OPCML: variants seen among roughly 807,000 people sequenced by gnomAD.
OPCML encodes opioid binding protein/cell adhesion molecule like, also known as opioid-binding protein/cell adhesion molecule.
Under a neutral mutation model 37.8 loss-of-function variants are expected in OPCML, and 13 were observed. The observed-to-expected ratio is 0.34, with a 90% CI of 0.22 to 0.55. The LOEUF is 0.55. Among genes scored for constraint, OPCML ranks in the 20% least tolerant of loss-of-function variants. The probability of loss-of-function intolerance (pLI) is 0.91; values close to 1 mark genes in which losing one functional copy is unlikely to be tolerated. For missense variants in OPCML, 341 were observed against 435.6 expected, an observed-to-expected ratio of 0.78 and a Z score of 1.93; for synonymous variants, 176 against 168.8, an observed-to-expected ratio of 1.04 and a Z score of -0.33.
intron 1 of OPCML, among the ~76,000 whole-genome samples, chr11:133,501,300 A>G (rs1591572429): frequency 6.6e-6 from 1 of 152,148 alleles, no homozygotes; most frequent in East Asian, 1.9e-4. Context: ...CCCCCACGGT[A>G]CAGTGCGGCT....
intron 1 of OPCML, among the ~76,000 whole-genome samples, chr11:133,168,962 C>T (rs576547493): frequency 1.3e-5 from 2 of 152,058 alleles, no homozygotes; most frequent in African/African-American, 4.8e-5. Context: ...AACACTGTCT[C>T]TACTAAAAAT....
chr11:133,189,484 A>G (rs1938218396), intron 1 of OPCML, among the ~76,000 whole-genome samples: 1 of 152,196 alleles, frequency 6.6e-6, no homozygotes, highest in African/African-American at 2.4e-5. Context: ...TGTATATTGG[A>G]TACTAGTTAA....
chr11:132,868,777 CTAA>C (rs1942676447), intron 2 of OPCML, among the ~76,000 whole-genome samples: 1 of 152,144 alleles, frequency 6.6e-6, no homozygotes, highest in African/African-American at 2.4e-5. Context: ...GCTGCCGTTA[CTAA>C]TAGGTTTCTG....
intron 4 of OPCML, among the ~76,000 whole-genome samples, chr11:132,505,888 C>A (rs939788957): frequency 3.5e-4 from 47 of 136,214 alleles, no homozygotes; most frequent in African/African-American, 8.8e-4. Context: ...CCACTTTCTG[C>A]GAAAAAAAAA....
chr11:132,709,951 C>A (rs1436746876), intron 2 of OPCML, among the ~76,000 whole-genome samples: 1 of 152,172 alleles, frequency 6.6e-6, no homozygotes, highest in Non-Finnish European at 1.5e-5. Context: ...TCATGGGATA[C>A]ATAGATACAT....
At chr11:132,508,460 C>T (rs530482650) in intron 4 of OPCML, among the ~76,000 whole-genome samples, 72 of 137,000 alleles carry the variant, frequency 5.3e-4, no homozygotes, top group African/African-American at 1.7e-3. Context: ...TCAATGGATG[C>T]CAAAAAAAAC....
chr11:132,424,723 C>A (rs935552090), intron 7 of OPCML, among the ~76,000 whole-genome samples: 1 of 152,140 alleles, frequency 6.6e-6, no homozygotes, highest in Admixed American at 6.5e-5. Flanking sequence ...CATGATGATG[C>A]TGAGTTTGCA....
chr11:132,925,322 T>C (rs1288241014), intron 2 of OPCML, among the ~76,000 whole-genome samples: 2 of 152,104 alleles, frequency 1.3e-5, no homozygotes, highest in African/African-American at 4.8e-5. Flanking sequence ...TTTTAGCTAG[T>C]GTGGGGTAAA....
At chr11:133,003,629 C>T (rs1202673049) in intron 1 of OPCML, 1 of 984,732 alleles carries the variant, frequency 1.0e-6, no homozygotes, top group Non-Finnish European at 1.2e-6. Context: ...CAGATGACCA[C>T]AATATTCTAT....
chr11:133,475,417 G>C lies in OPCML; in HGVS notation c.61+56847C>G, dbSNP rs146107919. 2.7e-3 allele frequency among the ~76,000 whole-genome samples: 406 copies of C among 151,696 alleles called. 1 individual carries two copies. Among genetic ancestry groups the C allele is most frequent in the African/African-American group, 9.2e-3 (381 of 41,376 alleles). On this transcript the variant is annotated intron_variant, in intron 1 of 7. Coordinates refer to ENST00000524381, the MANE Select transcript of OPCML (RefSeq NM_001012393.5). ...CTCCAACCATTTTCTATCTTCTTTT[G>C]TTTTTTTATCCATTACAGACAAAGA...
chr11:133,002,465 C>A (rs963663337), intron 1 of OPCML, among the ~76,000 whole-genome samples: 3 of 152,188 alleles, frequency 2.0e-5, no homozygotes, highest in African/African-American at 7.2e-5. Context: ...CCATGTCGCC[C>A]TGAGTAAGCC....
intron 1 of OPCML, chr11:133,418,063 A>G: frequency 1.0e-6 from 1 of 985,354 alleles, no homozygotes; most frequent in Non-Finnish European, 1.2e-6. Flanking sequence ...CTGCTTGAAC[A>G]CAGTGCTACT....
intron 1 of OPCML, among the ~76,000 whole-genome samples, chr11:133,281,249 G>A (rs1942146950): frequency 6.6e-6 from 1 of 152,156 alleles, no homozygotes. Context: ...AATGTTGGAG[G>A]TGGGGCCTGG....
intron 2 of OPCML, among the ~76,000 whole-genome samples, chr11:132,766,631 C>T (rs114950629): frequency 0.028 from 4,215 of 152,132 alleles, 126 homozygotes; most frequent in African/African-American, 0.064. Context: ...CCTCCCAAAG[C>T]CACCACCTCC....
At chr11:133,109,174 G>C (rs1016790782) in intron 1 of OPCML, among the ~76,000 whole-genome samples, 1 of 152,074 alleles carries the variant, frequency 6.6e-6, no homozygotes, top group Admixed American at 6.6e-5. Flanking sequence ...GGTTCCTTCC[G>C]GTGGGTTCGT....
rs937792986 is a variant in OPCML at position 133,214,597 on chromosome 11, T to G, written c.62-271587A>C. On this transcript the variant is annotated intron_variant, in intron 1 of 7. Coordinates refer to ENST00000524381, the MANE Select transcript of OPCML (RefSeq NM_001012393.5). Reference sequence around the variant, plus strand: ...CATATAGTTCATACTCATTTACACTTAAATTATCCAACTAGAGCTTTTAAC... The same window carrying G: ...CATATAGTTCATACTCATTTACACTGAAATTATCCAACTAGAGCTTTTAAC... 5.9e-5 allele frequency among the ~76,000 whole-genome samples: 9 copies of G among 152,354 alleles called. No homozygotes were observed. The South Asian group carries it at 1.9e-3, about 32-fold the overall frequency.
At position 132,561,369 on chromosome 11, in the gene OPCML, A is replaced by C. The variant is rs534909731; in HGVS notation, c.380-32183T>G. 8.7e-4 allele frequency among the ~76,000 whole-genome samples: 133 copies of C among 152,120 alleles called. 1 individual carries two copies. The highest frequency in any genetic ancestry group is 1.7e-3 in the Non-Finnish European group (114 of 68,028). ...CCTTTCCTGGGTCCTCATCTCCTCCATAGGCTCTTTAGGATGATAAAACCC... is the reference window on the plus strand; with the variant it reads ...CCTTTCCTGGGTCCTCATCTCCTCCCTAGGCTCTTTAGGATGATAAAACCC... On this transcript the variant is annotated intron_variant, in intron 3 of 7. Coordinates refer to ENST00000524381, the MANE Select transcript of OPCML (RefSeq NM_001012393.5).
intron 2 of OPCML, among the ~76,000 whole-genome samples, chr11:132,780,581 C>G (rs1289678623): frequency 1.3e-5 from 2 of 152,152 alleles, no homozygotes; most frequent in Non-Finnish European, 2.9e-5. Flanking sequence ...TCCTGCAAAT[C>G]CATGAGTCCG....
chr11:132,971,728 G>C (rs1025724509), intron 1 of OPCML, among the ~76,000 whole-genome samples: 2 of 152,086 alleles, frequency 1.3e-5, no homozygotes, highest in Non-Finnish European at 2.9e-5. Context: ...AGGGCAGGCT[G>C]TTTGGTCATT....
Sources: allele counts gnomAD v4.1 joint callset (sites outside exome capture counted in the v4.1 genomes callset), GRCh38; gene constraint gnomAD v4.1.1; transcripts MANE v1.5; gene names NCBI Gene and HGNC (gene_info 2026-07-23, HGNC 2026-07-21).